The following ABCA5 variants were observed in gnomAD, a reference collection of about 807,000 sequenced individuals.
The protein encoded by ABCA5 is ATP binding cassette subfamily A member 5.
Under a neutral mutation model 206.0 loss-of-function variants are expected in ABCA5, and 163 were observed. The ratio of observed to expected loss-of-function variants is 0.79; its 90% CI spans 0.70 to 0.90. ABCA5 has a LOEUF of 0.90. Ranked by LOEUF, ABCA5 falls within the 40% of genes least tolerant of loss-of-function variation. The pLI is 0.00. For synonymous variants in ABCA5, 609 were observed against 613.8 expected, an observed-to-expected ratio of 0.99 and a Z score of 0.11; for missense variants, 1,859 against 1,912.9, an observed-to-expected ratio of 0.97 and a Z score of 0.53.
chr17:69,302,729 C>A lies in ABCA5; in HGVS notation c.1108G>T (p.Gly370Cys). The A allele has an allele frequency of 6.4e-7, 1 of 1,561,028 alleles. No individual in the cohort carries two copies. The highest frequency in any genetic ancestry group is 1.2e-5 in the South Asian group (1 of 80,712). Reference sequence around the variant, plus strand: ...AATATATTACCTACCTGTGCAATACCAATCACAAAAGTACAGTGACAGAAA... The same window carrying A: ...AATATATTACCTACCTGTGCAATACAAATCACAAAAGTACAGTGACAGAAA... ...SPFCHCTFVI[G>C]IAQVMHLEDF... The change falls in exon 8 of 39, where the codon GGT (glycine) becomes TGT (cysteine). Residue 370 changes from glycine (G) to cysteine (C), a missense_variant. By Grantham distance (159) the Gly-to-Cys change is radical (BLOSUM62 -3). Coordinates refer to ENST00000392676, the MANE Select transcript of ABCA5 (RefSeq NM_172232.4).
At chr17:69,325,234 G>A (rs1486686868) in intron 1 of ABCA5, among the ~76,000 whole-genome samples, 1 of 151,410 alleles carries the variant, frequency 6.6e-6, no homozygotes, top group Admixed American at 6.6e-5. Flanking sequence ...ACTTGAGCCT[G>A]CGAAGTCAAG....
intron 15 of ABCA5, among the ~76,000 whole-genome samples, chr17:69,287,267 T>G (rs1466282271): frequency 6.6e-6 from 1 of 152,102 alleles, no homozygotes; most frequent in African/African-American, 2.4e-5. Flanking sequence ...CCACTGGGAG[T>G]AGGACTCTTG....
intron 19 of ABCA5, among the ~76,000 whole-genome samples, chr17:69,275,407 AT>A (rs1216065031): frequency 1.3e-5 from 2 of 152,170 alleles, no homozygotes; most frequent in Non-Finnish European, 2.9e-5. Flanking sequence ...TTAGATTATC[AT>A]ACTTCAGCAA....
intron 9 of ABCA5, among the ~76,000 whole-genome samples, chr17:69,299,461 CACACACACAT>C (rs1048550318): frequency 1.4e-5 from 2 of 141,626 alleles, no homozygotes; most frequent in South Asian, 2.4e-4. Context: ...GTGATACACA[CACACACACAT>C]ACACACACAC....
intron 27 of ABCA5, 38 bp from the exon 28 acceptor site, chr17:69,259,835 TTTGTTG>T (rs368372637): frequency 3.0e-6 from 4 of 1,314,110 alleles, no homozygotes; most frequent in Admixed American, 2.1e-5. Flanking sequence ...GACTAAAAGA[TTTGTTG>T]TTGTTGTTGT....
intron 22 of ABCA5, 87 bp downstream of exon 22, chr17:69,270,526 C>A: frequency 1.6e-6 from 2 of 1,217,430 alleles, no homozygotes; most frequent in African/African-American, 1.6e-5. Flanking sequence ...TAAATTTCTA[C>A]ATATTTTGTT....
intron 3 of ABCA5, among the ~76,000 whole-genome samples, chr17:69,312,417 ATAAATAAAACAGAG>A: frequency 6.6e-6 from 1 of 152,276 alleles, no homozygotes; most frequent in South Asian, 2.1e-4. Flanking sequence ...ATATATATAA[ATAAATAAAACAGAG>A]TTAGGGACTT....
intron 27 of ABCA5, 35 bp from the exon 28 acceptor site, chr17:69,259,832 A>C: frequency 7.5e-7 from 1 of 1,341,158 alleles, no homozygotes; most frequent in South Asian, 1.4e-5. Context: ...CATGACTAAA[A>C]GATTTGTTGT....
intron 1 of ABCA5, among the ~76,000 whole-genome samples, chr17:69,320,128 G>A (rs1001711915): frequency 6.6e-6 from 1 of 152,138 alleles, no homozygotes; most frequent in Non-Finnish European, 1.5e-5. Context: ...CATTGATCAC[G>A]ATTGTGTATA....
At chr17:69,296,194 A>AT (rs1295382212) in intron 10 of ABCA5, among the ~76,000 whole-genome samples, 4 of 151,980 alleles carry the variant, frequency 2.6e-5, no homozygotes, top group African/African-American at 4.8e-5. Flanking sequence ...ATTCTACCTT[A>AT]TTTTTTTCAT....
At chr17:69,287,245 C>T (rs2075466241) in intron 15 of ABCA5, among the ~76,000 whole-genome samples, 1 of 152,168 alleles carries the variant, frequency 6.6e-6, no homozygotes, top group African/African-American at 2.4e-5. Context: ...AATTAAAGCA[C>T]ATCTGTCTAC....
chr17:69,287,653 C>A lies in ABCA5; in HGVS notation c.2001G>T (p.Val667=). ...LKYRKANRVT[V]FSTHFMDEAD... ...CTTCATCCATGAAATGAGTACTGAA[C>A]ACTGTCACCCGATTGGCTTTTCTGT... Residue 667 remains valine (V), a synonymous_variant, in exon 15 of 39, where the codon GTG becomes GTT. Transcript: ENST00000392676. 1 of 1,613,760 alleles carries A rather than the reference C, an allele frequency of 6.2e-7. No individual in the cohort carries two copies. Among genetic ancestry groups the A allele is most frequent in the South Asian group, 1.1e-5 (1 of 91,028 alleles).
At chr17:69,307,822 T>C (rs1273564198) in intron 5 of ABCA5, among the ~76,000 whole-genome samples, 2 of 152,134 alleles carry the variant, frequency 1.3e-5, no homozygotes, top group Non-Finnish European at 2.9e-5. Flanking sequence ...TATTCATACA[T>C]ACTTTAAACG....
chr17:69,303,226 T>A (rs961549881), intron 7 of ABCA5, among the ~76,000 whole-genome samples: 1 of 152,112 alleles, frequency 6.6e-6, no homozygotes, highest in Non-Finnish European at 1.5e-5. Context: ...CAGGTGATCC[T>A]CCCACCTCAG....
In ABCA5 at chr17:69,245,504, AC is replaced by A. The variant is rs1408936228; in HGVS notation, c.*2032del. The stretch of plus-strand genomic sequence containing the variant: ...GCCTCCTTTGCTTTCCAGCTCACTT[AC>A]CCTTGTTTTCCTAAGAATTAAGTTA... On this transcript the variant is annotated 3_prime_UTR_variant, in exon 39 of 39. Coordinates refer to ENST00000392676, the MANE Select transcript of ABCA5 (RefSeq NM_172232.4). 6.6e-6 allele frequency: 1 copy of A among 151,866 alleles called. No homozygotes were observed. Among genetic ancestry groups the A allele is most frequent in the African/African-American group, 2.4e-5 (1 of 41,408 alleles). The allele number at this position is 151,866 out of a possible 1,614,324, so 9.4% of individuals were successfully genotyped here. A position where few individuals can be genotyped will look rare whatever the true frequency, so the allele number is the denominator to read the frequency against.
At chr17:69,266,949 A>C (rs565759804) in intron 23 of ABCA5, among the ~76,000 whole-genome samples, 18 of 151,754 alleles carry the variant, frequency 1.2e-4, no homozygotes, top group African/African-American at 4.3e-4. Flanking sequence ...ATCTCGGCTC[A>C]CTGCAATCTC....
intron 7 of ABCA5, chr17:69,304,294 T>C (rs967275071): frequency 2.6e-5 from 4 of 154,784 alleles, no homozygotes; most frequent in East Asian, 1.9e-4. Flanking sequence ...TTTGCAAAGA[T>C]GTATCTTTAA....
chr17:69,262,893 G>T (rs1280791114), intron 24 of ABCA5, among the ~76,000 whole-genome samples: 1 of 151,962 alleles, frequency 6.6e-6, no homozygotes, highest in East Asian at 1.9e-4. Flanking sequence ...AGCCTCGCCA[G>T]CATCTGTTGG....
chr17:69,251,977 A>G, intron 34 of ABCA5, 111 bp from the exon 35 acceptor site: 3 of 1,166,582 alleles, frequency 2.6e-6, no homozygotes, highest in Non-Finnish European at 3.6e-6. Context: ...AACTTACCAA[A>G]TATCAATTGC....
Sources: gnomAD v4.1 joint callset for allele counts (sites outside exome capture counted in the v4.1 genomes callset) on GRCh38, gnomAD v4.1.1 for gene constraint, MANE v1.5 for transcripts, NCBI Gene and HGNC (gene_info 2026-07-23, HGNC 2026-07-21) for gene names.